The following DLG2 variants were observed in gnomAD, a reference collection of about 807,000 sequenced individuals.
DLG2 encodes disks large homolog 2.
A neutral mutation model predicts 132.5 loss-of-function variants in DLG2; 45 were observed. The observed-to-expected ratio is 0.34, with a 90% confidence interval of 0.27 to 0.44. The LOEUF is 0.44. DLG2 is among the 20% of genes least tolerant of loss of function. The pLI is 1.00. For synonymous variants in DLG2, 424 were observed against 419.6 expected (o/e 1.01, Z -0.13); for missense variants, 1,045 against 1,196.9 (o/e 0.87, Z 1.87).
chr11:83,575,423 C>G (rs942141211), intron 19 of DLG2, among the ~76,000 whole-genome samples: 5 of 152,086 alleles, frequency 3.3e-5, no homozygotes, highest in Non-Finnish European at 5.9e-5. Context: ...ATCAACATGG[C>G]TAGAGTTTGC....
At chr11:85,474,690 G>T (rs1169622857) in intron 3 of DLG2, among the ~76,000 whole-genome samples, 1 of 151,492 alleles carries the variant, frequency 6.6e-6, no homozygotes, top group Non-Finnish European at 1.5e-5. Flanking sequence ...AGTCAAATAA[G>T]GTAGCCTTTA....
chr11:84,019,066 G>A (rs186066903), intron 11 of DLG2, among the ~76,000 whole-genome samples: 129 of 151,994 alleles, frequency 8.5e-4, no homozygotes, highest in Admixed American at 1.7e-3. Flanking sequence ...GTTCTAGGTG[G>A]TAGTTACAGG....
intron 4 of DLG2, among the ~76,000 whole-genome samples, chr11:85,228,077 A>G (rs1445611361): frequency 6.6e-6 from 1 of 151,942 alleles, no homozygotes; most frequent in Non-Finnish European, 1.5e-5. Context: ...TACATGTATC[A>G]CTACCTGGCA....
chr11:83,720,392 C>T (rs1433322875), intron 18 of DLG2, among the ~76,000 whole-genome samples: 4 of 144,272 alleles, frequency 2.8e-5, no homozygotes, highest in Non-Finnish European at 6.0e-5. Context: ...GTTTCTCAAG[C>T]TTTTCCACTA....
intron 6 of DLG2, among the ~76,000 whole-genome samples, chr11:84,564,236 T>A (rs1321718257): frequency 6.6e-6 from 1 of 152,178 alleles, no homozygotes; most frequent in Non-Finnish European, 1.5e-5. Flanking sequence ...TGGGTATGCT[T>A]ATAGGCATGA....
At chr11:83,627,181 TTTTA>T (rs1402527239) in intron 19 of DLG2, among the ~76,000 whole-genome samples, 3 of 151,846 alleles carry the variant, frequency 2.0e-5, no homozygotes, top group South Asian at 2.1e-4. Flanking sequence ...ACTTATTTTA[TTTTA>T]TTTATTTTTT....
At chr11:83,843,614 G>GAA (rs34618748) in intron 16 of DLG2, among the ~76,000 whole-genome samples, 98,077 of 151,028 alleles carry the variant, frequency 0.65, 32,006 homozygotes, top group Middle Eastern at 0.76. Flanking sequence ...TTCATGAACG[G>GAA]AAAAAAAAGT....
rs1023854982 is a variant in DLG2 at position 85,400,540 on chromosome 11, C to T, written c.41-115175G>A. On this transcript the variant is annotated intron_variant, in intron 3 of 27. Coordinates refer to ENST00000376104, the MANE Select transcript of DLG2 (RefSeq NM_001142699.3). ...AAGACTTGGAACCAACCCAAATGTCCGACAATGATAGACTGGATTAAGAAA... is the reference window on the plus strand; with the variant it reads ...AAGACTTGGAACCAACCCAAATGTCTGACAATGATAGACTGGATTAAGAAA... 2.2e-3 allele frequency among the ~76,000 whole-genome samples: 328 copies of T among 149,280 alleles called. 1 individual carries two copies. Among genetic ancestry groups the T allele is most frequent in the Admixed American group, 2.6e-3 (39 of 14,864 alleles).
intron 9 of DLG2, among the ~76,000 whole-genome samples, chr11:84,157,499 T>C (rs958584921): frequency 6.6e-6 from 1 of 152,168 alleles, no homozygotes; most frequent in Non-Finnish European, 1.5e-5. Context: ...GGCACAATCA[T>C]AGTTCTCTGC....
intron 2 of DLG2, among the ~76,000 whole-genome samples, chr11:85,607,407 G>A (rs1326175424): frequency 6.6e-6 from 1 of 152,164 alleles, no homozygotes; most frequent in African/African-American, 2.4e-5. Context: ...AGCCATGAGT[G>A]AAACTCAAAG....
At chr11:85,498,976 C>T (rs1435294535) in intron 3 of DLG2, among the ~76,000 whole-genome samples, 1 of 152,066 alleles carries the variant, frequency 6.6e-6, no homozygotes, top group East Asian at 1.9e-4. Context: ...TAAATGCCCA[C>T]AAGAGAAAGC....
intron 6 of DLG2, among the ~76,000 whole-genome samples, chr11:84,650,637 G>T (rs1256690486): frequency 6.6e-6 from 1 of 151,972 alleles, no homozygotes; most frequent in Non-Finnish European, 1.5e-5. Context: ...TCTTGACTTT[G>T]AAGTCAGAGA....
At chr11:85,627,111 T>G (rs935003494) in intron 1 of DLG2, 107 bp downstream of exon 1, 1 of 152,186 alleles carries the variant, frequency 6.6e-6, no homozygotes, top group African/African-American at 2.4e-5. Context: ...TAAAAATCTC[T>G]TTGACTCCAG....
chr11:83,927,470 A>G (rs748287249), intron 15 of DLG2, among the ~76,000 whole-genome samples: 1 of 152,176 alleles, frequency 6.6e-6, no homozygotes, highest in Non-Finnish European at 1.5e-5. Flanking sequence ...AAGTGTAAAA[A>G]GAGCTTTCCA....
At chr11:85,428,411 A>T (rs2090929948) in intron 3 of DLG2, among the ~76,000 whole-genome samples, 1 of 152,220 alleles carries the variant, frequency 6.6e-6, no homozygotes, top group African/African-American at 2.4e-5. Context: ...AAAGAACAAA[A>T]ATTATAACAA....
At chr11:83,966,844 G>T (rs2090314420) in intron 12 of DLG2, among the ~76,000 whole-genome samples, 1 of 151,908 alleles carries the variant, frequency 6.6e-6, no homozygotes, top group African/African-American at 2.4e-5. Context: ...CTCTAGACTT[G>T]TTCATCCTAC....
rs562934523 is a variant in DLG2, at chr11:84,412,855, C to T, written c.519+121715G>A. On this transcript the variant is annotated intron_variant, in intron 7 of 27. Coordinates refer to ENST00000376104, the MANE Select transcript of DLG2 (RefSeq NM_001142699.3). ...TGCAGGCCCAGCATCTGGGATTTAC[C>T]GGAAACCTCCAAGATAACTTCCTGG... Among the ~76,000 whole-genome samples, 10 of 152,292 alleles carry T rather than the reference C, an allele frequency of 6.6e-5. No individual in the cohort carries two copies. In the East Asian group the frequency reaches 7.7e-4, roughly 12 times the overall value.
chr11:85,068,036 A>C (rs759188094), intron 6 of DLG2, among the ~76,000 whole-genome samples: 153 of 152,104 alleles, frequency 1.0e-3, no homozygotes, highest in Non-Finnish European at 1.2e-3. Flanking sequence ...TATAAACAGA[A>C]CCAAAGACAA....
At chr11:84,352,456 T>G (rs1179559124) in intron 7 of DLG2, among the ~76,000 whole-genome samples, 1 of 152,184 alleles carries the variant, frequency 6.6e-6, no homozygotes, top group Non-Finnish European at 1.5e-5. Context: ...AGTGAAATGA[T>G]GAAGTTGTTT....
Sources: gnomAD v4.1 joint callset for allele counts (sites outside exome capture counted in the v4.1 genomes callset) on GRCh38, gnomAD v4.1.1 for gene constraint, MANE v1.5 for transcripts, NCBI Gene and HGNC (gene_info 2026-07-23, HGNC 2026-07-21) for gene names.